Variants in HNF4G observed in about 807,000 individuals in gnomAD.
HNF4G encodes hepatocyte nuclear factor 4-gamma.
HNF4G carries 21 observed loss-of-function variants against 50.9 expected under a neutral mutation model. The observed-to-expected ratio is 0.41, with a 90% CI of 0.29 to 0.59. The LOEUF is 0.59. HNF4G is among the 20% of genes least tolerant of loss of function. HNF4G has a pLI of 0.26. For synonymous variants in HNF4G, 198 were observed against 185.6 expected, an observed-to-expected ratio of 1.07 and a Z score of -0.54; for missense variants, 527 against 559.4, an observed-to-expected ratio of 0.94 and a Z score of 0.58.
intron 1 of HNF4G, among the ~76,000 whole-genome samples, chr8:75,540,450 A>T (rs1159716862): frequency 6.6e-6 from 1 of 152,216 alleles, no homozygotes. Context: ...ATTTAAAATG[A>T]CTTATGGAAC....
At chr8:75,538,951 T>C (rs896054033), upstream of HNF4G, among the ~76,000 whole-genome samples, 4 of 152,228 alleles carry the variant, frequency 2.6e-5, no homozygotes, top group Non-Finnish European at 5.9e-5. Flanking sequence ...AAGGACATTC[T>C]GAATTTATAA....
chr8:75,423,334 T>A (rs1359599136), intron 1 of HNF4G, among the ~76,000 whole-genome samples: 5 of 115,398 alleles, frequency 4.3e-5, no homozygotes, highest in African/African-American at 7.3e-5. Context: ...CTTTTCTTTA[T>A]CTTTTTTTTT....
chr8:75,462,321 C>T (rs1314305755), intron 1 of HNF4G, among the ~76,000 whole-genome samples: 1 of 152,136 alleles, frequency 6.6e-6, no homozygotes, highest in Non-Finnish European at 1.5e-5. Flanking sequence ...ATAAGATCAA[C>T]TGTCACAGTA....
At chr8:75,451,327 G>T (rs371727265) in intron 1 of HNF4G, among the ~76,000 whole-genome samples, 10 of 151,740 alleles carry the variant, frequency 6.6e-5, no homozygotes, top group Non-Finnish European at 1.5e-4. Flanking sequence ...GCTGTGCAGC[G>T]CTTTTTAGTC....
chr8:75,461,159 A>G (rs926087332), intron 1 of HNF4G, among the ~76,000 whole-genome samples: 1 of 152,222 alleles, frequency 6.6e-6, no homozygotes, highest in Non-Finnish European at 1.5e-5. Flanking sequence ...GTTGTGAACA[A>G]CACAAATCTA....
intron 1 of HNF4G, among the ~76,000 whole-genome samples, chr8:75,453,348 A>G (rs1228465688): frequency 6.6e-6 from 1 of 152,134 alleles, no homozygotes; most frequent in Non-Finnish European, 1.5e-5. Context: ...AGAGGTTTGT[A>G]AAATGCACCA....
At chr8:75,414,031 C>A (rs1442701558) in intron 1 of HNF4G, among the ~76,000 whole-genome samples, 1 of 151,982 alleles carries the variant, frequency 6.6e-6, no homozygotes, top group Non-Finnish European at 1.5e-5. Flanking sequence ...ATATAATTTG[C>A]AATCAGTAAA....
intron 2 of HNF4G, among the ~76,000 whole-genome samples, chr8:75,508,261 T>C (rs946124399): frequency 6.6e-6 from 1 of 152,042 alleles, no homozygotes; most frequent in African/African-American, 2.4e-5. Flanking sequence ...CCATGCCCTA[T>C]TTGAGAAAAT....
At chr8:75,533,963 G>A (rs900455130) in intron 2 of HNF4G, among the ~76,000 whole-genome samples, 5 of 151,694 alleles carry the variant, frequency 3.3e-5, no homozygotes, top group Non-Finnish European at 7.4e-5. Flanking sequence ...GTTCATTATA[G>A]TACATTATAG....
At chr8:75,514,846 TATTG>T (rs1805850126) in intron 2 of HNF4G, among the ~76,000 whole-genome samples, 1 of 152,162 alleles carries the variant, frequency 6.6e-6, no homozygotes, top group South Asian at 2.1e-4. Context: ...TCTGCCTTCA[TATTG>T]ATTAACCTTC....
intron 1 of HNF4G, among the ~76,000 whole-genome samples, chr8:75,477,962 C>T (rs1975858): frequency 0.42 from 63,944 of 151,142 alleles, 15,898 homozygotes; most frequent in African/African-American, 0.7. Context: ...AGCGAAACTC[C>T]GTTCAAAAAA....
chr8:75,533,245 T>G (rs913483137), intron 2 of HNF4G, among the ~76,000 whole-genome samples: 1 of 151,986 alleles, frequency 6.6e-6, no homozygotes, highest in Non-Finnish European at 1.5e-5. Context: ...AAATAGAAGG[T>G]CTTTGCCTTC....
chr8:75,461,773 A>G (rs1222595160), intron 1 of HNF4G, among the ~76,000 whole-genome samples: 2 of 151,832 alleles, frequency 1.3e-5, no homozygotes, highest in African/African-American at 4.8e-5. Flanking sequence ...AGTTTAATTT[A>G]TAAATTAGGC....
intron 2 of HNF4G, among the ~76,000 whole-genome samples, chr8:75,497,705 T>G (rs1054737513): frequency 1.3e-5 from 2 of 148,308 alleles, no homozygotes; most frequent in African/African-American, 2.5e-5. Context: ...AAAAAAAAAA[T>G]AGATAAAATG....
chr8:75,467,068 G>A (rs1341061707), intron 1 of HNF4G, among the ~76,000 whole-genome samples: 1 of 151,942 alleles, frequency 6.6e-6, no homozygotes, highest in Non-Finnish European at 1.5e-5. Flanking sequence ...TCGTTAAATA[G>A]TTCCTTAGAA....
In HNF4G at chr8:75,456,147, T is replaced by C. The variant is rs566639417; in HGVS notation, c.-143-33942T>C. Among the ~76,000 whole-genome samples, 3 of 152,196 alleles carry C rather than the reference T, an allele frequency of 2.0e-5. No homozygotes were observed. In the South Asian group the frequency reaches 6.2e-4, roughly 32 times the overall value. On this transcript the variant is annotated intron_variant, in intron 1 of 10. Coordinates refer to the HNF4G transcript ENST00000354370. Reference sequence around the variant, plus strand: ...TGTCCAGAGCTTCATATATATCCAGTAAGGCTCATTTTCTACATATTTGAG... The same window carrying C: ...TGTCCAGAGCTTCATATATATCCAGCAAGGCTCATTTTCTACATATTTGAG...
intron 2 of HNF4G, among the ~76,000 whole-genome samples, chr8:75,516,122 C>CA (rs1352271982): frequency 2.3e-4 from 35 of 152,214 alleles, no homozygotes; most frequent in Non-Finnish European, 1.8e-4. Context: ...GAAACACCCT[C>CA]AGAGACAAAC....
chr8:75,491,677 T>C (rs1812634517), intron 2 of HNF4G, among the ~76,000 whole-genome samples: 1 of 152,186 alleles, frequency 6.6e-6, no homozygotes, highest in South Asian at 2.1e-4. Context: ...AGTTTCTTCA[T>C]GTTGGCCAGG....
At chr8:75,498,818 G>GA in intron 2 of HNF4G, among the ~76,000 whole-genome samples, 1 of 152,046 alleles carries the variant, frequency 6.6e-6, no homozygotes, top group African/African-American at 2.4e-5. Context: ...AGTAGAAACA[G>GA]AAAAAGCATT....
Sources: gnomAD v4.1 joint callset for allele counts (sites outside exome capture counted in the v4.1 genomes callset) on GRCh38, gnomAD v4.1.1 for gene constraint, MANE v1.5 for transcripts, NCBI Gene and HGNC (gene_info 2026-07-23, HGNC 2026-07-21) for gene names.